PDE4D: variants seen among roughly 807,000 people sequenced by gnomAD.
PDE4D encodes the protein phosphodiesterase 4D, also known as 3',5'-cyclic-AMP phosphodiesterase 4D.
In PDE4D, 24 loss-of-function variants were observed where a neutral mutation model predicts 87.4. That is an observed-to-expected ratio of 0.27 (90% CI 0.20 to 0.39). The LOEUF (loss-of-function observed/expected upper bound fraction) is 0.39. Ranked by LOEUF, PDE4D falls within the 10% of genes least tolerant of loss-of-function variation. The pLI, the probability that PDE4D is intolerant of heterozygous loss-of-function variation, is 1.00. For missense variants in PDE4D, 714 were observed against 1,041.0 expected (o/e 0.69, Z 4.32); for synonymous variants, 384 against 383.2 (o/e 1.00, Z -0.02).
chr5:59,582,092 G>T (rs572346888), intron 1 of PDE4D, among the ~76,000 whole-genome samples: 59 of 152,216 alleles, frequency 3.9e-4, no homozygotes, highest in African/African-American at 1.3e-3. Context: ...TTATATTTTA[G>T]AATTTCTGGG....
At chr5:60,197,118 T>TAGATAGATAGATAGATAGAC (rs1216969315) in intron 1 of PDE4D, among the ~76,000 whole-genome samples, 2 of 150,134 alleles carry the variant, frequency 1.3e-5, no homozygotes, top group African/African-American at 4.9e-5. Context: ...GATAGATAGA[T>TAGATAGATAGATAGATAGAC]AGATAGATTA....
intron 1 of PDE4D, among the ~76,000 whole-genome samples, chr5:59,366,962 A>T (rs1783158189): frequency 6.6e-6 from 1 of 152,214 alleles, no homozygotes; most frequent in Non-Finnish European, 1.5e-5. Context: ...TGATTACTGA[A>T]CACTCAGCCC....
chr5:59,945,353 A>C (rs1486646412), intron 3 of PDE4D, among the ~76,000 whole-genome samples: 1 of 152,208 alleles, frequency 6.6e-6, no homozygotes, highest in African/African-American at 2.4e-5. Flanking sequence ...AAACCAGTAA[A>C]AATCTACCAG....
chr5:59,995,279 G>T (rs1763414680), intron 2 of PDE4D, among the ~76,000 whole-genome samples: 1 of 151,250 alleles, frequency 6.6e-6, no homozygotes, highest in Non-Finnish European at 1.5e-5. Flanking sequence ...TGTCCAAGCT[G>T]CTATCCTTCA....
intron 5 of PDE4D, among the ~76,000 whole-genome samples, chr5:59,107,252 T>C (rs2153436490): frequency 6.6e-6 from 1 of 152,202 alleles, no homozygotes; most frequent in South Asian, 2.1e-4. Flanking sequence ...TGCTCTGTCA[T>C]CCAGGCTGGA....
chr5:59,166,954 A>G (rs1205373047), intron 5 of PDE4D, among the ~76,000 whole-genome samples: 32 of 152,198 alleles, frequency 2.1e-4, no homozygotes, highest in Non-Finnish European at 7.3e-5. Flanking sequence ...ATCAACAGTA[A>G]TTGAATAATA....
At chr5:59,244,623 T>C (rs1262120338) in intron 1 of PDE4D, among the ~76,000 whole-genome samples, 1 of 149,720 alleles carries the variant, frequency 6.7e-6, no homozygotes, top group East Asian at 2.0e-4. Context: ...CATACATGTA[T>C]GTACATTTAC....
intron 1 of PDE4D, among the ~76,000 whole-genome samples, chr5:59,258,603 AAATAT>A (rs1308222694): frequency 6.7e-6 from 1 of 150,282 alleles, no homozygotes; most frequent in African/African-American, 2.4e-5. Context: ...GCTACTATTA[AAATAT>A]AATTTACATA....
rs568686854 is a variant in PDE4D, at chr5:59,468,907, G to C, written c.456-252939C>G. On this transcript the variant is annotated intron_variant, in intron 1 of 14. Coordinates refer to ENST00000340635, the MANE Select transcript of PDE4D (RefSeq NM_001104631.2). ...GATATGCCAGACACTGGTGGCTCAT[G>C]AGAGAAACAAGGGCTTTGCTAACAG... 2.2e-4 allele frequency among the ~76,000 whole-genome samples: 33 copies of C among 152,306 alleles called. No individual in the cohort carries two copies. In the East Asian group the frequency reaches 3.7e-3, roughly 17 times the overall value.
At chr5:60,296,535 G>C (rs983365270) in intron 1 of PDE4D, among the ~76,000 whole-genome samples, 2 of 152,112 alleles carry the variant, frequency 1.3e-5, no homozygotes, top group African/African-American at 4.8e-5. Context: ...TACCATAAGT[G>C]CTTTCCAGTT....
intron 1 of PDE4D, among the ~76,000 whole-genome samples, chr5:59,689,723 C>T (rs1750574905): frequency 6.6e-6 from 1 of 152,078 alleles, no homozygotes; most frequent in Admixed American, 6.6e-5. Context: ...CTGGCCAGGG[C>T]AATCAGGCAG....
chr5:60,105,008 C>A (rs754218977), intron 2 of PDE4D, among the ~76,000 whole-genome samples: 1 of 152,130 alleles, frequency 6.6e-6, no homozygotes, highest in Admixed American at 6.6e-5. Flanking sequence ...CAAAGCTGGA[C>A]GAAGAATGAC....
At chr5:59,528,283 G>T (rs947006239) in intron 1 of PDE4D, among the ~76,000 whole-genome samples, 2 of 152,204 alleles carry the variant, frequency 1.3e-5, no homozygotes, top group African/African-American at 4.8e-5. Flanking sequence ...GGAAAAGGGT[G>T]TAGTTTGGGA....
chr5:60,107,098 G>C (rs1222082328), intron 2 of PDE4D, among the ~76,000 whole-genome samples: 1 of 152,026 alleles, frequency 6.6e-6, no homozygotes, highest in East Asian at 1.9e-4. Context: ...CAACAAAATT[G>C]ATAGACCGCT....
At chr5:60,476,143 CAT>C (rs1256280573) in intron 1 of PDE4D, among the ~76,000 whole-genome samples, 1 of 152,146 alleles carries the variant, frequency 6.6e-6, no homozygotes, top group Non-Finnish European at 1.5e-5. Flanking sequence ...ACTGTAAAAT[CAT>C]AGTTTTCACA....
intron 1 of PDE4D, among the ~76,000 whole-genome samples, chr5:59,386,357 G>C (rs1786984332): frequency 6.6e-6 from 1 of 152,208 alleles, no homozygotes; most frequent in South Asian, 2.1e-4. Flanking sequence ...TGTAAATATG[G>C]CTTCAAAATC....
chr5:59,595,596 C>T (rs1187628222), intron 1 of PDE4D, among the ~76,000 whole-genome samples: 1 of 152,108 alleles, frequency 6.6e-6, no homozygotes, highest in Non-Finnish European at 1.5e-5. Flanking sequence ...AAAGAAATTA[C>T]CATGAAAATA....
chr5:59,460,816 C>G (rs1306425946), intron 1 of PDE4D, among the ~76,000 whole-genome samples: 1 of 152,146 alleles, frequency 6.6e-6, no homozygotes, highest in Admixed American at 6.5e-5. Context: ...GGCAGATTCC[C>G]CTTTACATTC....
chr5:59,777,588 T>C (rs1764203632), intron 1 of PDE4D, among the ~76,000 whole-genome samples: 1 of 152,208 alleles, frequency 6.6e-6, no homozygotes, highest in Non-Finnish European at 1.5e-5. Flanking sequence ...AAAGCTCCCA[T>C]GGGATGCTAT....
Sources: gnomAD v4.1 joint callset for allele counts (sites outside exome capture counted in the v4.1 genomes callset) on GRCh38, gnomAD v4.1.1 for gene constraint, MANE v1.5 for transcripts, NCBI Gene and HGNC (gene_info 2026-07-23, HGNC 2026-07-21) for gene names.